The following MYT1 variants were observed in gnomAD, a reference collection of about 807,000 sequenced individuals.
MYT1 encodes the protein myelin transcription factor I.
MYT1 carries 23 observed loss-of-function variants against 123.0 expected under a neutral mutation model. The observed-to-expected ratio is 0.19, with a 90% confidence interval of 0.13 to 0.26. The LOEUF is 0.26. Among genes scored for constraint, MYT1 ranks in the 10% least tolerant of loss-of-function variants. The pLI, the probability that MYT1 is intolerant of heterozygous loss-of-function variation, is 1.00. For synonymous variants in MYT1, 518 were observed against 575.3 expected, an observed-to-expected ratio of 0.90 and a Z score of 1.43; for missense variants, 1,125 against 1,472.5, an observed-to-expected ratio of 0.76 and a Z score of 3.86.
At chr20:64,187,869 G>C (rs933152449) in intron 1 of MYT1, among the ~76,000 whole-genome samples, 2 of 152,200 alleles carry the variant, frequency 1.3e-5, no homozygotes, top group Non-Finnish European at 2.9e-5. Flanking sequence ...CTGTACCCAG[G>C]GGTATGGTGC....
rs769879768 is a variant in MYT1, at chr20:64,207,889, C to T, written c.693C>T (p.Arg231=). The part of the protein sequence containing the change: ...AEEVVEVTTE[R]SQDLCPQSLE... ...AGGTCGTCGAAGTCACCACCGAGCGCTCCCAGGACCTGTGTCCCCAGTCCC... is the reference window on the plus strand; with the variant it reads ...AGGTCGTCGAAGTCACCACCGAGCGTTCCCAGGACCTGTGTCCCCAGTCCC... The change falls in exon 7 of 23, where the codon CGC becomes CGT. Residue 231 remains arginine, a synonymous_variant. Transcript: ENST00000328439. 1 of 1,613,080 alleles carries T rather than the reference C, an allele frequency of 6.2e-7. No individual in the cohort carries two copies. The highest frequency in any genetic ancestry group is 1.7e-5 in the Admixed American group (1 of 59,928).
At chr20:64,170,902 G>C (rs1417178333) in intron 1 of MYT1, among the ~76,000 whole-genome samples, 1 of 115,398 alleles carries the variant, frequency 8.7e-6, no homozygotes, top group African/African-American at 3.5e-5. Flanking sequence ...GAGAGAGAGA[G>C]AGAGAGAGAG....
In MYT1 at chr20:64,208,009, G is replaced by C. The variant is rs964302501; in HGVS notation, c.813G>C (p.Glu271Asp). The C allele has an allele frequency of 6.3e-7, 1 of 1,598,870 alleles. No individual in the cohort carries two copies. Among genetic ancestry groups the C allele is most frequent in the African/African-American group, 1.3e-5 (1 of 74,298 alleles). Residue 271 changes from glutamate (E) to aspartate (D), a missense_variant, in exon 7 of 23, where the codon GAG becomes GAC. By Grantham distance (45) the Glu-to-Asp change is conservative. Coordinates refer to ENST00000328439, the MANE Select transcript of MYT1 (RefSeq NM_004535.3). This position sits in a 1 kb window ranked among gnomAD's most constrained non-coding sequence, Gnocchi z 5.4. ...DEEEEEEEEE[E>D]EEDEEEEEEE... ...AGGAGGAGGAGGAGGAAGAGGAGGA[G>C]GAGGAGGATGAAGAAGAGGAAGAGG...
intron 2 of MYT1, among the ~76,000 whole-genome samples, chr20:64,194,783 G>A (rs1408947362): frequency 2.6e-5 from 4 of 152,258 alleles, no homozygotes; most frequent in Admixed American, 1.3e-4. Context: ...CACAAAGCCC[G>A]TTGGGCTTCA....
rs1568720615 is a variant in MYT1 at position 64,232,142 on chromosome 20, AC to A, written c.2676-18del. The A allele has an allele frequency of 6.2e-7, 1 of 1,610,994 alleles. No individual in the cohort carries two copies. Among genetic ancestry groups the A allele is most frequent in the Non-Finnish European group, 8.5e-7 (1 of 1,179,222 alleles). Reference sequence around the variant, plus strand: ...CTCCCAACCCTTCGCCCCTGTACTCACCCCGGCCTCTCTGTACCCAGGTGCC... The same window carrying A: ...CTCCCAACCCTTCGCCCCTGTACTCACCCGGCCTCTCTGTACCCAGGTGCC... On this transcript the variant is annotated intron_variant, in intron 18 of 22. Transcript: ENST00000328439. This position sits in a 1 kb window ranked among gnomAD's most constrained non-coding sequence, Gnocchi z 6.9.
chr20:64,181,308 C>G (rs1182866369), intron 1 of MYT1, among the ~76,000 whole-genome samples: 1 of 151,936 alleles, frequency 6.6e-6, no homozygotes, highest in Non-Finnish European at 1.5e-5. Flanking sequence ...TTAACTTACA[C>G]TTTTCCTTCC....
At chr20:64,199,781 ACTCGTCC>A in intron 3 of MYT1, 104 bp from the exon 4 acceptor site, 1 of 1,285,846 alleles carries the variant, frequency 7.8e-7, no homozygotes, top group Non-Finnish European at 1.1e-6. Context: ...ATTTGCCTCC[ACTCGTCC>A]TTGGCAAACC....
rs1982972592 is a variant in MYT1 at position 64,191,596 on chromosome 20, G to A, written c.-1+1436G>A. 6.6e-6 allele frequency: 1 copy of A among 152,188 alleles called. No individual in the cohort carries two copies. The highest frequency in any genetic ancestry group is 6.5e-5 in the Admixed American group (1 of 15,282). The allele number at this position is 152,188 out of a possible 1,614,324, so 9.4% of individuals were successfully genotyped here. On this transcript the variant is annotated intron_variant, in intron 2 of 22. Coordinates refer to ENST00000328439, the MANE Select transcript of MYT1 (RefSeq NM_004535.3). This position sits in a 1 kb window ranked among gnomAD's most constrained non-coding sequence, Gnocchi z 4.1. The stretch of plus-strand genomic sequence containing the variant: ...CAGTTGTAGTGGGAACTTCATTTGG[G>A]GGTGCTTGTGTTTTACTCTCAAAAC...
At chr20:64,230,479 C>T (rs1247795050) in intron 18 of MYT1, among the ~76,000 whole-genome samples, 1 of 152,242 alleles carries the variant, frequency 6.6e-6, no homozygotes, top group African/African-American at 2.4e-5. Flanking sequence ...TGCCACTGCA[C>T]TCCGGCCTGG....
At chr20:64,223,263 C>T in intron 15 of MYT1, 28 bp from the exon 16 acceptor site, 1 of 1,613,982 alleles carries the variant, frequency 6.2e-7, no homozygotes, top group South Asian at 1.1e-5. Flanking sequence ...CTTTGGCTTA[C>T]CCCAATATCC....
At chr20:64,179,477 A>G (rs1333462788) in intron 1 of MYT1, among the ~76,000 whole-genome samples, 3 of 152,238 alleles carry the variant, frequency 2.0e-5, no homozygotes, top group Non-Finnish European at 4.4e-5. Flanking sequence ...GGGGGAAGGT[A>G]CTTTGAAACT....
intron 1 of MYT1, among the ~76,000 whole-genome samples, chr20:64,182,782 C>T (rs1225230970): frequency 1.3e-5 from 2 of 152,216 alleles, no homozygotes; most frequent in East Asian, 3.9e-4. Flanking sequence ...AGAACCCAGT[C>T]TGGAGAACCA....
chr20:64,226,846 G>A (rs1367197244), intron 16 of MYT1, among the ~76,000 whole-genome samples: 1 of 152,264 alleles, frequency 6.6e-6, no homozygotes, highest in Non-Finnish European at 1.5e-5. Context: ...ACAACAGCCA[G>A]GCCTGGCATG....
At chr20:64,179,732 G>T (rs1982582525) in intron 1 of MYT1, among the ~76,000 whole-genome samples, 1 of 151,912 alleles carries the variant, frequency 6.6e-6, no homozygotes, top group Admixed American at 6.6e-5. Context: ...AGAAAATGGT[G>T]TTAGCCTGAG....
At position 64,212,391 on chromosome 20, in the gene MYT1, C is replaced by T. The variant is rs1047863826; in HGVS notation, c.1517+253C>T. Among the ~76,000 whole-genome samples, 6 of 152,152 alleles carry T rather than the reference C, an allele frequency of 3.9e-5. No homozygotes were observed. The highest frequency in any genetic ancestry group is 7.4e-5 in the Non-Finnish European group (5 of 68,020). On this transcript the variant is annotated intron_variant, in intron 9 of 22. Coordinates refer to ENST00000328439, the MANE Select transcript of MYT1 (RefSeq NM_004535.3). The surrounding 1 kb of genome is among the most constrained non-coding windows in gnomAD (Gnocchi z 6.8). ...GTGTGCTACCCTTCTCCCAGCCTGCCGCCCTGAGGAGTGGGTACAAGGTCA... is the reference window on the plus strand; with the variant it reads ...GTGTGCTACCCTTCTCCCAGCCTGCTGCCCTGAGGAGTGGGTACAAGGTCA...
intron 1 of MYT1, among the ~76,000 whole-genome samples, chr20:64,188,262 CAG>C (rs1265783118): frequency 1.3e-5 from 2 of 152,186 alleles, no homozygotes; most frequent in African/African-American, 2.4e-5. Flanking sequence ...GCGCAGAACT[CAG>C]GGGAGTCGCA....
chr20:64,205,271 C>T (rs966182398), intron 5 of MYT1, among the ~76,000 whole-genome samples, 174 bp downstream of exon 5: 2 of 140,618 alleles, frequency 1.4e-5, no homozygotes, highest in Non-Finnish European at 3.3e-5. Context: ...TGGCCATGGG[C>T]GTGCCATGTG....
chr20:64,235,181 G>A (rs1219688000), intron 19 of MYT1, among the ~76,000 whole-genome samples: 10 of 112,014 alleles, frequency 8.9e-5, no homozygotes, highest in Admixed American at 4.2e-4. Flanking sequence ...TATGTGACCC[G>A]GGGCTGGCCG....
chr20:64,233,977 A>C (rs1425288924), intron 19 of MYT1, among the ~76,000 whole-genome samples: 1 of 152,224 alleles, frequency 6.6e-6, no homozygotes, highest in Non-Finnish European at 1.5e-5. Flanking sequence ...GGGCCCTGGC[A>C]GAAGGCAGAG....
Sources: allele counts gnomAD v4.1 joint callset (sites outside exome capture counted in the v4.1 genomes callset), GRCh38; gene constraint gnomAD v4.1.1; non-coding constraint Gnocchi (gnomAD v3.1); transcripts MANE v1.5; gene names NCBI Gene and HGNC (gene_info 2026-07-23, HGNC 2026-07-21).